TIMP2: variants seen among roughly 807,000 people sequenced by gnomAD.
TIMP2 encodes the protein TIMP metallopeptidase inhibitor 2.
A neutral mutation model predicts 24.3 loss-of-function variants in TIMP2; 5 were observed. The ratio of observed to expected loss-of-function variants is 0.21; its 90% CI spans 0.11 to 0.43. The LOEUF (loss-of-function observed/expected upper bound fraction) is 0.43. TIMP2 is among the 20% of genes least tolerant of loss of function. The pLI, the probability that TIMP2 is intolerant of heterozygous loss-of-function variation, is 1.00. For synonymous variants in TIMP2, 130 were observed against 123.2 expected (o/e 1.06, Z -0.37); for missense variants, 221 against 297.5 (o/e 0.74, Z 1.89).
intron 1 of TIMP2, among the ~76,000 whole-genome samples, chr17:78,876,181 C>T (rs988307245): frequency 6.6e-6 from 1 of 152,052 alleles, no homozygotes; most frequent in African/African-American, 2.4e-5. Flanking sequence ...CCTTGGCTGC[C>T]CCCTGCCCTC....
intron 1 of TIMP2, among the ~76,000 whole-genome samples, chr17:78,887,466 C>A (rs1237348377): frequency 6.6e-6 from 1 of 152,158 alleles, no homozygotes; most frequent in Non-Finnish European, 1.5e-5. Context: ...CTCACTGCAA[C>A]CTCCGCCTCC....
At chr17:78,868,313 T>C (rs2069636757) in intron 3 of TIMP2, among the ~76,000 whole-genome samples, 1 of 152,078 alleles carries the variant, frequency 6.6e-6, no homozygotes, top group African/African-American at 2.4e-5. Flanking sequence ...TACAGTGGCG[T>C]GATCTCAGCT....
rs2070303653 is a variant in TIMP2 at position 78,920,863 on chromosome 17, C to CATG, written c.130+4095_130+4096insCAT. ...CACCGCCTGGTGCCAAGATGTACCA[C>CATG]CCCCTGCATCCCCCACCACAGGGAC... On this transcript the variant is annotated intron_variant, in intron 1 of 4. Coordinates refer to ENST00000262768, the MANE Select transcript of TIMP2 (RefSeq NM_003255.5). This position sits in a 1 kb window ranked among gnomAD's most constrained non-coding sequence, Gnocchi z 4.5. Among the ~76,000 whole-genome samples, 1 of 152,090 alleles carries CATG rather than the reference C, an allele frequency of 6.6e-6. No homozygotes were observed. The highest frequency in any genetic ancestry group is 1.5e-5 in the Non-Finnish European group (1 of 68,020).
intron 1 of TIMP2, among the ~76,000 whole-genome samples, chr17:78,888,196 G>A (rs967667725): frequency 2.7e-5 from 4 of 146,132 alleles, no homozygotes; most frequent in Non-Finnish European, 3.0e-5. Context: ...GTCTCGCTCT[G>A]ACACCCAGGC....
chr17:78,874,580 T>G (rs1376530900), intron 1 of TIMP2, among the ~76,000 whole-genome samples: 2 of 152,148 alleles, frequency 1.3e-5, no homozygotes, highest in Non-Finnish European at 2.9e-5. Context: ...GAGTAATTTT[T>G]GTTGTTGTTG....
chr17:78,912,212 C>T (rs9898458), intron 1 of TIMP2, among the ~76,000 whole-genome samples: 11,594 of 152,270 alleles, frequency 0.076, 502 homozygotes, highest in Middle Eastern at 0.13. Context: ...TTCTCCAATA[C>T]TTTTCATGTC....
intron 1 of TIMP2, chr17:78,890,535 A>G: frequency 7.7e-7 from 1 of 1,305,850 alleles, no homozygotes; most frequent in Non-Finnish European, 1.0e-6. Flanking sequence ...GAGGCCTAAT[A>G]GTCTCTGAGG....
intron 1 of TIMP2, among the ~76,000 whole-genome samples, chr17:78,881,961 T>C (rs1054487780): frequency 1.4e-5 from 1 of 69,130 alleles, no homozygotes; most frequent in African/African-American, 5.7e-5. Context: ...TGGCAGGGGC[T>C]CCATATCCTC....
intron 4 of TIMP2, 185 bp downstream of exon 4, chr17:78,857,337 G>A (rs930823650): frequency 7.9e-6 from 6 of 756,576 alleles, no homozygotes; most frequent in Middle Eastern, 3.5e-4. Context: ...CAGGGACCAG[G>A]GGTCAAAGGC....
Position 78,924,948 on chromosome 17 carries a change from C to A in TIMP2, c.130+11G>T. The A allele has an allele frequency of 7.9e-7, 1 of 1,257,960 alleles. No individual in the cohort carries two copies. Among genetic ancestry groups the A allele is most frequent in the South Asian group, 2.6e-5 (1 of 39,046 alleles). 77.9% of individuals were successfully genotyped at this position (1,257,960 alleles called of 1,614,324 possible). A position where few individuals can be genotyped will look rare whatever the true frequency, so the allele number is the denominator to read the frequency against. The stretch of plus-strand genomic sequence containing the variant: ...GGGCCCCGCGCGGGGGCTGGGGTCG[C>A]CGCTCCTTACCTACATCTGCATTGC... On this transcript the variant is annotated intron_variant, in intron 1 of 4. Transcript: ENST00000262768. This position sits in a 1 kb window ranked among gnomAD's most constrained non-coding sequence, Gnocchi z 5.3.
At chr17:78,860,977 A>C (rs2145746359) in intron 3 of TIMP2, among the ~76,000 whole-genome samples, 1 of 152,050 alleles carries the variant, frequency 6.6e-6, no homozygotes, top group South Asian at 2.1e-4. Flanking sequence ...TGGAAGTTAC[A>C]AAGAGCCAAG....
Position 78,865,680 on chromosome 17 carries a change from T to C in TIMP2, c.340+5218A>G, listed in dbSNP as rs867905859. ...GGTGTTGGGCACCTGTAATCCCAGCTACTTGGGAGGCTGAGGCAGGAGAAC... is the reference window on the plus strand; with the variant it reads ...GGTGTTGGGCACCTGTAATCCCAGCCACTTGGGAGGCTGAGGCAGGAGAAC... On this transcript the variant is annotated intron_variant, in intron 3 of 4. Transcript: ENST00000262768. Among the ~76,000 whole-genome samples the C allele has an allele frequency of 7.3e-5, 11 of 150,344 alleles. 1 individual carries two copies. The highest frequency in any genetic ancestry group is 2.2e-4 in the African/African-American group (9 of 40,800).
intron 1 of TIMP2, among the ~76,000 whole-genome samples, chr17:78,886,229 G>A (rs578180978): frequency 2.6e-5 from 4 of 152,280 alleles, no homozygotes; most frequent in Admixed American, 6.5e-5. Context: ...GTTTTAGCTC[G>A]TGTGGTCAAG....
rs1351499782 is a variant in TIMP2 at position 78,920,842 on chromosome 17, G to A, written c.130+4117C>T. Among the ~76,000 whole-genome samples, 2 of 151,950 alleles carry A rather than the reference G, an allele frequency of 1.3e-5. No homozygotes were observed. The highest frequency in any genetic ancestry group is 2.4e-5 in the African/African-American group (1 of 41,362). On this transcript the variant is annotated intron_variant, in intron 1 of 4. Coordinates refer to ENST00000262768, the MANE Select transcript of TIMP2 (RefSeq NM_003255.5). This position sits in a 1 kb window ranked among gnomAD's most constrained non-coding sequence, Gnocchi z 4.5. ...GGCAGCAGGAACCCCCTTCCACACCGCCTGGTGCCAAGATGTACCACCCCC... is the reference window on the plus strand; with the variant it reads ...GGCAGCAGGAACCCCCTTCCACACCACCTGGTGCCAAGATGTACCACCCCC...
At chr17:78,915,616 T>C (rs1413419011) in intron 1 of TIMP2, among the ~76,000 whole-genome samples, 1 of 151,594 alleles carries the variant, frequency 6.6e-6, no homozygotes, top group Non-Finnish European at 1.5e-5. Context: ...GCTTCCCAGG[T>C]TCAAGCGATT....
intron 1 of TIMP2, among the ~76,000 whole-genome samples, chr17:78,895,882 T>C (rs949061425): frequency 6.6e-6 from 1 of 152,182 alleles, no homozygotes; most frequent in Non-Finnish European, 1.5e-5. Context: ...CTCACACCCC[T>C]TGTCAACCAA....
intron 1 of TIMP2, among the ~76,000 whole-genome samples, chr17:78,886,393 C>T (rs1371218951): frequency 6.6e-6 from 1 of 152,158 alleles, no homozygotes; most frequent in Non-Finnish European, 1.5e-5. Flanking sequence ...TGTTTGGGCC[C>T]CATTGTGGCC....
chr17:78,902,011 T>C, intron 1 of TIMP2: 1 of 570,490 alleles, frequency 1.8e-6, no homozygotes, highest in Non-Finnish European at 3.1e-6. Context: ...CCTCTAAAAA[T>C]ACCCTCCATG....
At chr17:78,863,154 C>T (rs749507175) in intron 3 of TIMP2, among the ~76,000 whole-genome samples, 2 of 152,228 alleles carry the variant, frequency 1.3e-5, no homozygotes, top group Non-Finnish European at 2.9e-5. Flanking sequence ...TGGGTGAACT[C>T]GTTTACATTC....
Sources: gnomAD v4.1 joint callset for allele counts (sites outside exome capture counted in the v4.1 genomes callset) on GRCh38, gnomAD v4.1.1 for gene constraint, Gnocchi (gnomAD v3.1) non-coding constraint, MANE v1.5 for transcripts, NCBI Gene and HGNC (gene_info 2026-07-23, HGNC 2026-07-21) for gene names.